Variants in RXFP1 observed in about 807,000 individuals in gnomAD.
RXFP1 encodes the protein relaxin family peptide receptor 1, also known as relaxin receptor 1.
In RXFP1, 73 loss-of-function variants were observed where a neutral mutation model predicts 89.8. The ratio of observed to expected loss-of-function variants is 0.81; its 90% CI spans 0.67 to 0.99. RXFP1 has a LOEUF of 0.99. RXFP1 is among the 50% of genes least tolerant of loss of function. The pLI, the probability that RXFP1 is intolerant of heterozygous loss-of-function variation, is 0.00. For missense variants in RXFP1, 793 were observed against 895.5 expected (o/e 0.89, Z 1.46); for synonymous variants, 277 against 305.5 (o/e 0.91, Z 0.97).
At position 158,607,924 on chromosome 4, in the gene RXFP1, G is replaced by A. The variant is rs1241495593; in HGVS notation, c.465-48G>A. 3.1e-6 allele frequency: 4 copies of A among 1,301,868 alleles called. No individual in the cohort carries two copies. In the African/African-American group the frequency reaches 6.3e-5, roughly 20 times the overall value. 80.6% of individuals were successfully genotyped at this position (1,301,868 alleles called of 1,614,324 possible). On this transcript the variant is annotated intron_variant, in intron 5 of 17. Transcript: ENST00000307765. ...ACAGAATTCTTTTTGTCTTGCAAAA[G>A]TGAAACTCTGCTTCATTTTTTTTTC...
At chr4:158,575,456 G>A (rs1755994433) in intron 2 of RXFP1, among the ~76,000 whole-genome samples, 1 of 152,202 alleles carries the variant, frequency 6.6e-6, no homozygotes, top group Admixed American at 6.5e-5. Context: ...TGGACTGAAT[G>A]CTTGTGTCCC....
chr4:158,547,427 G>T (rs1267947289), intron 1 of RXFP1, among the ~76,000 whole-genome samples: 2 of 151,988 alleles, frequency 1.3e-5, no homozygotes, highest in African/African-American at 4.8e-5. Context: ...ATTTTTGAAG[G>T]GTTTTTTGTG....
At chr4:158,527,508 A>C (rs1477540068) in intron 1 of RXFP1, among the ~76,000 whole-genome samples, 1 of 145,208 alleles carries the variant, frequency 6.9e-6, no homozygotes. Context: ...ATGCCACTGC[A>C]CTCCAGACTA....
chr4:158,570,272 G>A (rs901684199), intron 1 of RXFP1, among the ~76,000 whole-genome samples: 2 of 152,186 alleles, frequency 1.3e-5, no homozygotes, highest in Non-Finnish European at 2.9e-5. Context: ...TGGAGAAGGA[G>A]TTCCAGGAAT....
At chr4:158,566,705 T>G (rs1018415458) in intron 1 of RXFP1, among the ~76,000 whole-genome samples, 8 of 152,254 alleles carry the variant, frequency 5.3e-5, no homozygotes, top group African/African-American at 1.9e-4. Flanking sequence ...TATTTAAGAT[T>G]CCTGATATAG....
intron 4 of RXFP1, among the ~76,000 whole-genome samples, chr4:158,601,118 C>A (rs1761603384): frequency 6.6e-6 from 1 of 150,972 alleles, no homozygotes. Flanking sequence ...GAATTAATTC[C>A]CATTCAATTT....
At chr4:158,638,147 T>G (rs553357467) in intron 13 of RXFP1, 68 bp downstream of exon 13, 3 of 855,960 alleles carry the variant, frequency 3.5e-6, no homozygotes, top group Non-Finnish European at 5.5e-6. Context: ...ATGTATATTT[T>G]TATATATTTA....
At chr4:158,594,853 A>G (rs1431693951) in intron 3 of RXFP1, among the ~76,000 whole-genome samples, 11 of 151,968 alleles carry the variant, frequency 7.2e-5, no homozygotes. Flanking sequence ...TCCTTTTTTG[A>G]TTCTGAAGCA....
chr4:158,641,456 C>G (rs950261268), intron 14 of RXFP1, among the ~76,000 whole-genome samples: 3 of 152,122 alleles, frequency 2.0e-5, no homozygotes, highest in African/African-American at 7.2e-5. Flanking sequence ...GAGTGCTGGG[C>G]AGCCAAAGCG....
At chr4:158,599,504 G>GGTCT in intron 4 of RXFP1, 73 bp downstream of exon 4, 1 of 1,124,050 alleles carries the variant, frequency 8.9e-7, no homozygotes, top group Non-Finnish European at 1.3e-6. Context: ...TTAAGACCAT[G>GGTCT]TGATTATTCA....
At chr4:158,614,538 C>T (rs1764186063) in intron 8 of RXFP1, among the ~76,000 whole-genome samples, 1 of 152,210 alleles carries the variant, frequency 6.6e-6, no homozygotes, top group Non-Finnish European at 1.5e-5. Flanking sequence ...TATGAATCAA[C>T]ATCTGCTAGC....
chr4:158,540,752 C>T (rs1480198989), intron 1 of RXFP1, among the ~76,000 whole-genome samples: 1 of 151,978 alleles, frequency 6.6e-6, no homozygotes, highest in Non-Finnish European at 1.5e-5. Context: ...AAGAATGACC[C>T]TCCCTGCCCC....
At position 158,648,711 on chromosome 4, in the gene RXFP1, A is replaced by G. The variant is rs1561210083; in HGVS notation, c.1969A>G (p.Ile657Val). 3 of 1,565,942 alleles carry G rather than the reference A, an allele frequency of 1.9e-6. No homozygotes were observed. Among genetic ancestry groups the G allele is most frequent in the African/African-American group, 1.4e-5 (1 of 73,276 alleles). The change falls in exon 17 of 18, where the codon ATA becomes GTA. Residue 657 changes from isoleucine to valine, a missense_variant. Ile to Val is a conservative substitution (Grantham distance 29, BLOSUM62 3). Transcript: ENST00000307765. ...ATTTCTTTCACTGCTTCAGGTAGAAATACCAGGTACAATATTTTTTAATCT... is the reference window on the plus strand; with the variant it reads ...ATTTCTTTCACTGCTTCAGGTAGAAGTACCAGGTACAATATTTTTTAATCT... ...VKFLSLLQVE[I>V]PGTITSWVVI...
intron 6 of RXFP1, among the ~76,000 whole-genome samples, chr4:158,608,290 T>C (rs1762905068): frequency 4.7e-5 from 6 of 128,428 alleles, no homozygotes; most frequent in South Asian, 5.6e-4. Flanking sequence ...TTTTTTTTTT[T>C]TTTTTTTTTT....
intron 1 of RXFP1, among the ~76,000 whole-genome samples, chr4:158,542,089 A>ATG (rs1746833741): frequency 6.0e-5 from 2 of 33,292 alleles, no homozygotes; most frequent in Non-Finnish European, 1.4e-4. Flanking sequence ...CTATATATAT[A>ATG]TATATATATA....
At position 158,563,572 on chromosome 4, in the gene RXFP1, C is replaced by T. The variant is rs149828685; in HGVS notation, c.50-9126C>T. 4.7e-3 allele frequency among the ~76,000 whole-genome samples: 710 copies of T among 151,368 alleles called. 7 individuals carry two copies. Among genetic ancestry groups the T allele is most frequent in the Middle Eastern group, 0.031 (9 of 292 alleles). On this transcript the variant is annotated intron_variant, in intron 1 of 17. Coordinates refer to ENST00000307765, the MANE Select transcript of RXFP1 (RefSeq NM_021634.4). ...AATACTGAAATAAATCTGATTAACA[C>T]ATGCAAAAGAGACCAATAATCTATG... is the stretch of plus-strand genomic sequence containing the variant.
intron 1 of RXFP1, among the ~76,000 whole-genome samples, chr4:158,549,181 C>G (rs1579521190): frequency 1.3e-5 from 2 of 151,624 alleles, no homozygotes; most frequent in African/African-American, 4.9e-5. Flanking sequence ...AACTTCCCTT[C>G]TCGCTTCATT....
chr4:158,607,122 G>A (rs777071994), intron 5 of RXFP1: 3 of 1,535,548 alleles, frequency 2.0e-6, no homozygotes, highest in Admixed American at 2.0e-5. Flanking sequence ...TATCATTCCC[G>A]CAATCTGGGG....
intron 8 of RXFP1, among the ~76,000 whole-genome samples, chr4:158,614,898 C>T (rs902327316): frequency 1.3e-4 from 19 of 151,902 alleles, no homozygotes; most frequent in Middle Eastern, 3.4e-3. Context: ...AGGAGGTATG[C>T]GAGCAGTATA....
Sources: gnomAD v4.1 joint callset for allele counts (sites outside exome capture counted in the v4.1 genomes callset) on GRCh38, gnomAD v4.1.1 for gene constraint, MANE v1.5 for transcripts, NCBI Gene and HGNC (gene_info 2026-07-23, HGNC 2026-07-21) for gene names.